The following IL1RAP variants were observed in gnomAD, a reference collection of about 807,000 sequenced individuals.
The protein encoded by IL1RAP is interleukin-1 receptor accessory protein.
A neutral mutation model predicts 60.7 loss-of-function variants in IL1RAP; 35 were observed. That is an observed-to-expected ratio of 0.58 (90% CI 0.44 to 0.76). IL1RAP has a LOEUF of 0.76. IL1RAP is among the 30% of genes least tolerant of loss of function. The pLI, the probability that IL1RAP is intolerant of heterozygous loss-of-function variation, is 0.00. For missense variants in IL1RAP, 572 were observed against 693.9 expected (o/e 0.82, Z 1.97); for synonymous variants, 268 against 250.9 (o/e 1.07, Z -0.64).
intron 4 of IL1RAP, among the ~76,000 whole-genome samples, chr3:190,605,696 C>T (rs1341669892): frequency 1.3e-5 from 2 of 152,224 alleles, no homozygotes; most frequent in Non-Finnish European, 2.9e-5. Flanking sequence ...TGTATATGGC[C>T]ATCTTCTCTC....
At chr3:190,584,750 T>G (rs540231889) in intron 3 of IL1RAP, among the ~76,000 whole-genome samples, 3 of 152,352 alleles carry the variant, frequency 2.0e-5, no homozygotes, top group Admixed American at 2.0e-4. Flanking sequence ...GAAAATGAGT[T>G]CTTCATTGAA....
chr3:190,543,645 A>G (rs1724130114), intron 1 of IL1RAP, among the ~76,000 whole-genome samples: 1 of 152,154 alleles, frequency 6.6e-6, no homozygotes, highest in African/African-American at 2.4e-5. Context: ...GGAGAGGGTA[A>G]TGAAGGGCAT....
chr3:190,610,828 G>A (rs1933468898), intron 5 of IL1RAP, among the ~76,000 whole-genome samples: 1 of 152,172 alleles, frequency 6.6e-6, no homozygotes, highest in Non-Finnish European at 1.5e-5. Context: ...GAGTCAACTT[G>A]AAGAGTCTTC....
intron 10 of IL1RAP, 45 bp from the exon 11 acceptor site, chr3:190,645,654 G>C (rs1319746492): frequency 1.0e-5 from 15 of 1,488,096 alleles, no homozygotes; most frequent in Non-Finnish European, 1.3e-5. Flanking sequence ...TAATGGTATT[G>C]AGAAACTTTC....
chr3:190,630,587 A>C (rs1732702748), intron 9 of IL1RAP, among the ~76,000 whole-genome samples: 1 of 152,230 alleles, frequency 6.6e-6, no homozygotes, highest in South Asian at 2.1e-4. Context: ...TAAATAGCAA[A>C]GGCCTGAAAT....
At chr3:190,591,967 A>C (rs1010053721) in intron 3 of IL1RAP, among the ~76,000 whole-genome samples, 2 of 152,176 alleles carry the variant, frequency 1.3e-5, no homozygotes, top group African/African-American at 4.8e-5. Context: ...ATTTTTTTTA[A>C]AGAAAACCAT....
At chr3:190,539,865 G>T (rs554164888) in intron 1 of IL1RAP, among the ~76,000 whole-genome samples, 1 of 151,616 alleles carries the variant, frequency 6.6e-6, no homozygotes, top group African/African-American at 2.4e-5. Flanking sequence ...TGTAATGCCC[G>T]TTACATCCAT....
intron 5 of IL1RAP, among the ~76,000 whole-genome samples, chr3:190,615,859 A>T (rs1731225145): frequency 6.6e-6 from 1 of 152,192 alleles, no homozygotes; most frequent in Non-Finnish European, 1.5e-5. Flanking sequence ...GATATTGTTG[A>T]GAAGTTAGTT....
In IL1RAP at chr3:190,594,459, C is replaced by T. The variant is rs180826744; in HGVS notation, c.65-9669C>T. 2.2e-3 allele frequency among the ~76,000 whole-genome samples: 328 copies of T among 152,250 alleles called. 3 individuals are homozygous for T. Among genetic ancestry groups the T allele is most frequent in the African/African-American group, 7.4e-3 (306 of 41,530 alleles). ...AGCTATCATATCTATCTATGTCCCACGCAGCAGGACAGAAGAAATGGGATG... is the reference window on the plus strand; with the variant it reads ...AGCTATCATATCTATCTATGTCCCATGCAGCAGGACAGAAGAAATGGGATG... On this transcript the variant is annotated intron_variant, in intron 3 of 11. Coordinates refer to ENST00000447382, the MANE Select transcript of IL1RAP (RefSeq NM_002182.4).
rs80316577 is a variant in IL1RAP at position 190,554,085 on chromosome 3, A to G, written c.-88-2045A>G. ...CAAAAAAAAAAAAAAAAAAAAAAAA[A>G]AAAGAAATGAGAGGGAAAGAGATTT... On this transcript the variant is annotated intron_variant, in intron 1 of 11. Transcript: ENST00000447382. 7.9e-3 allele frequency among the ~76,000 whole-genome samples: 1,083 copies of G among 137,842 alleles called. 15 individuals carry two copies. The highest frequency in any genetic ancestry group is 0.027 in the African/African-American group (1,015 of 37,096). 90.4% of individuals were successfully genotyped at this position (137,842 alleles called of 152,430 possible).
At chr3:190,641,045 A>C (rs548551933) in intron 9 of IL1RAP, among the ~76,000 whole-genome samples, 5 of 152,206 alleles carry the variant, frequency 3.3e-5, no homozygotes, top group South Asian at 2.1e-4. Flanking sequence ...GGCTCACTGC[A>C]ACCTCCGCCT....
chr3:190,650,942 AC>A lies in IL1RAP; in HGVS notation c.*2241del. Reference sequence around the variant, plus strand: ...ATATTTATCCCAAATGCTGTTGGGCACCCCTAGAAATACCTTGATGTTTTTT... The same window carrying A: ...ATATTTATCCCAAATGCTGTTGGGCACCCTAGAAATACCTTGATGTTTTTT... On this transcript the variant is annotated 3_prime_UTR_variant, in exon 12 of 12. Transcript: ENST00000447382. 1.0e-6 allele frequency: 1 copy of A among 985,114 alleles called. No homozygotes were observed. Among genetic ancestry groups the A allele is most frequent in the Non-Finnish European group, 1.2e-6 (1 of 829,722 alleles). The allele number at this position is 985,114 out of a possible 1,614,324, so 61.0% of individuals were successfully genotyped here. A position where few individuals can be genotyped will look rare whatever the true frequency, so the allele number is the denominator to read the frequency against.
chr3:190,639,343 C>T (rs1341302463), intron 9 of IL1RAP, among the ~76,000 whole-genome samples: 1 of 152,080 alleles, frequency 6.6e-6, no homozygotes, highest in African/African-American at 2.4e-5. Context: ...TCATCCTTTT[C>T]CCTGCTCTGT....
At chr3:190,538,796 G>A (rs7626949) in intron 1 of IL1RAP, among the ~76,000 whole-genome samples, 2,154 of 152,126 alleles carry the variant, frequency 0.014, 57 homozygotes, top group African/African-American at 0.049. Flanking sequence ...TTACCCCCAT[G>A]ATGCCTTTCT....
At chr3:190,566,319 A>T (rs371148243) in intron 3 of IL1RAP, among the ~76,000 whole-genome samples, 14 of 152,244 alleles carry the variant, frequency 9.2e-5, no homozygotes, top group African/African-American at 3.4e-4. Flanking sequence ...CCAGTAATTC[A>T]TCATGTGGTT....
At chr3:190,585,889 A>G (rs1187347429) in intron 3 of IL1RAP, among the ~76,000 whole-genome samples, 1 of 152,176 alleles carries the variant, frequency 6.6e-6, no homozygotes, top group African/African-American at 2.4e-5. Flanking sequence ...CTACAAGGAT[A>G]AAGTTTGTTC....
At chr3:190,598,880 T>A (rs1729611642) in intron 3 of IL1RAP, among the ~76,000 whole-genome samples, 1 of 152,214 alleles carries the variant, frequency 6.6e-6, no homozygotes, top group Non-Finnish European at 1.5e-5. Flanking sequence ...ATTTCATTAA[T>A]ATGTTTTCAC....
chr3:190,589,458 T>C (rs1728753065), intron 3 of IL1RAP, among the ~76,000 whole-genome samples: 1 of 152,138 alleles, frequency 6.6e-6, no homozygotes, highest in Non-Finnish European at 1.5e-5. Context: ...TGACACATTA[T>C]TAAGATAGAA....
chr3:190,527,109 G>A (rs915809279), intron 1 of IL1RAP, among the ~76,000 whole-genome samples: 2 of 152,166 alleles, frequency 1.3e-5, no homozygotes, highest in African/African-American at 4.8e-5. Context: ...GTATTCCAGC[G>A]ATGATCCCAG....
Sources: gnomAD v4.1 joint callset for allele counts (sites outside exome capture counted in the v4.1 genomes callset) on GRCh38, gnomAD v4.1.1 for gene constraint, MANE v1.5 for transcripts, NCBI Gene and HGNC (gene_info 2026-07-23, HGNC 2026-07-21) for gene names.